The following ZNF420 variants were observed in gnomAD, a reference collection of about 807,000 sequenced individuals.
ZNF420 encodes the protein zinc finger protein 420.
A neutral mutation model predicts 44.7 loss-of-function variants in ZNF420; 31 were observed. The observed-to-expected ratio is 0.69, with a 90% confidence interval of 0.52 to 0.94. The LOEUF (loss-of-function observed/expected upper bound fraction) is 0.94. Among genes scored for constraint, ZNF420 ranks in the 40% least tolerant of loss-of-function variants. The pLI is 0.00. For synonymous variants in ZNF420, 245 were observed against 267.4 expected, an observed-to-expected ratio of 0.92 and a Z score of 0.82; for missense variants, 681 against 827.9, an observed-to-expected ratio of 0.82 and a Z score of 2.18.
intron 1 of ZNF420, among the ~76,000 whole-genome samples, chr19:37,020,216 CAAAAAAAAA>C (rs376616699): frequency 0.48 from 47,724 of 100,094 alleles, 7,870 homozygotes; most frequent in Non-Finnish European, 0.49. Context: ...GACTCCGTCT[CAAAAAAAAA>C]AAAAAAAAAA....
In ZNF420 at chr19:37,027,961, T is replaced by C. The variant is rs8105659; in HGVS notation, c.-125+19879T>C. 2.0e-3 allele frequency among the ~76,000 whole-genome samples: 310 copies of C among 152,316 alleles called. 3 individuals carry two copies. Among genetic ancestry groups the C allele is most frequent in the African/African-American group, 7.3e-3 (302 of 41,566 alleles). Reference sequence around the variant, plus strand: ...TGTAACAAAGAATGCAATTGCCAGATCATAGGGTAATCATATGTTTAGTTT... The same window carrying C: ...TGTAACAAAGAATGCAATTGCCAGACCATAGGGTAATCATATGTTTAGTTT... On this transcript the variant is annotated intron_variant, in intron 1 of 4. Coordinates refer to the ZNF420 transcript ENST00000587029.
rs1034768582 is a variant in ZNF420, at chr19:37,063,526, T to C, written c.-124-16819T>C. Among the ~76,000 whole-genome samples the C allele has an allele frequency of 7.2e-5, 11 of 152,206 alleles. No homozygotes were observed. The East Asian group carries it at 1.5e-3, about 21-fold the overall frequency. On this transcript the variant is annotated intron_variant, in intron 1 of 4. Transcript: ENST00000587029. ...TTTGTTTCTCGCTTCTGTAGTATGC[T>C]TCCCCCTGCATAGATCTCCCCCCTC... is the stretch of plus-strand genomic sequence containing the variant.
intron 1 of ZNF420, among the ~76,000 whole-genome samples, chr19:37,053,793 G>C (rs895144300): frequency 6.6e-6 from 1 of 152,196 alleles, no homozygotes; most frequent in Non-Finnish European, 1.5e-5. Flanking sequence ...TCCCAGTTAG[G>C]CTTCTCGGGG....
intron 4 of ZNF420, among the ~76,000 whole-genome samples, chr19:37,118,947 C>T (rs1460657549): frequency 5.9e-5 from 9 of 152,206 alleles, no homozygotes; most frequent in Non-Finnish European, 1.0e-4. Context: ...GCATCCGATA[C>T]AGGAGCACCC....
chr19:37,114,116 A>G (rs1970527323), intron 4 of ZNF420, among the ~76,000 whole-genome samples: 3 of 152,116 alleles, frequency 2.0e-5, no homozygotes, highest in African/African-American at 4.8e-5. Context: ...ATCGGTTCTA[A>G]TATTACTGGG....
At chr19:37,090,209 A>T (rs1408277635) in intron 3 of ZNF420, among the ~76,000 whole-genome samples, 1 of 152,232 alleles carries the variant, frequency 6.6e-6, no homozygotes, top group Non-Finnish European at 1.5e-5. Context: ...TGTATGCAGA[A>T]AATATGTGTA....
intron 4 of ZNF420, among the ~76,000 whole-genome samples, chr19:37,116,503 C>G (rs1367702239): frequency 6.6e-6 from 1 of 152,004 alleles, no homozygotes; most frequent in Non-Finnish European, 1.5e-5. Flanking sequence ...AGGAACAGCT[C>G]TGGTCTACAG....
At chr19:37,114,827 T>G (rs1970572140) in intron 4 of ZNF420, among the ~76,000 whole-genome samples, 1 of 152,224 alleles carries the variant, frequency 6.6e-6, no homozygotes. Context: ...CATTCCATAC[T>G]GTAAGTGGGA....
At chr19:37,023,908 T>A (rs774954729) in intron 1 of ZNF420, among the ~76,000 whole-genome samples, 1 of 152,078 alleles carries the variant, frequency 6.6e-6, no homozygotes, top group Non-Finnish European at 1.5e-5. Flanking sequence ...TACATATACA[T>A]ATATATGGGT....
chr19:37,020,733 G>A (rs1282218663), intron 1 of ZNF420, among the ~76,000 whole-genome samples: 1 of 152,172 alleles, frequency 6.6e-6, no homozygotes, highest in African/African-American at 2.4e-5. Context: ...AGGAAATTCT[G>A]ACATATGCTG....
intron 1 of ZNF420, among the ~76,000 whole-genome samples, chr19:37,071,942 C>T (rs1157410970): frequency 1.3e-5 from 2 of 152,038 alleles, no homozygotes; most frequent in Non-Finnish European, 2.9e-5. Flanking sequence ...TTGAAACATA[C>T]GAATTTAATT....
intron 4 of ZNF420, among the ~76,000 whole-genome samples, chr19:37,122,976 C>T (rs1448049254): frequency 1.3e-5 from 2 of 152,184 alleles, no homozygotes; most frequent in Non-Finnish European, 2.9e-5. Context: ...TTCACAATCC[C>T]TCCCAGGTCT....
intron 1 of ZNF420, among the ~76,000 whole-genome samples, chr19:37,026,609 G>A (rs189544279): frequency 4.0e-5 from 6 of 151,626 alleles, no homozygotes; most frequent in East Asian, 2.0e-4. Flanking sequence ...GTGAGCCACC[G>A]GGCCTGGTAG....
At chr19:37,027,497 T>C (rs542720645) in intron 1 of ZNF420, among the ~76,000 whole-genome samples, 1 of 152,226 alleles carries the variant, frequency 6.6e-6, no homozygotes, top group Non-Finnish European at 1.5e-5. Context: ...GACAAATGCA[T>C]GAGGACATAT....
chr19:37,090,086 G>A (rs1324384814), intron 3 of ZNF420, among the ~76,000 whole-genome samples: 1 of 152,130 alleles, frequency 6.6e-6, no homozygotes. Flanking sequence ...CATTTATTGA[G>A]AATGTATGAT....
chr19:37,060,571 A>G (rs940032672), intron 1 of ZNF420, among the ~76,000 whole-genome samples: 1 of 151,676 alleles, frequency 6.6e-6, no homozygotes, highest in Non-Finnish European at 1.5e-5. Context: ...AACTTCATGG[A>G]GATCCATGTT....
chr19:37,027,869 G>A (rs1017873916), intron 1 of ZNF420, among the ~76,000 whole-genome samples: 4 of 152,166 alleles, frequency 2.6e-5, no homozygotes, highest in African/African-American at 7.2e-5. Context: ...TGTTGGTTAT[G>A]TATAAGCTGC....
chr19:37,060,351 C>T (rs1296024496), intron 1 of ZNF420, among the ~76,000 whole-genome samples: 1 of 152,088 alleles, frequency 6.6e-6, no homozygotes, highest in African/African-American at 2.4e-5. Flanking sequence ...GGATCCCTGT[C>T]ACTGGAATGC....
intron 1 of ZNF420, among the ~76,000 whole-genome samples, chr19:37,042,309 T>C (rs963734436): frequency 6.6e-6 from 1 of 152,236 alleles, no homozygotes; most frequent in Admixed American, 6.5e-5. Context: ...CCAGGGCCAA[T>C]TTTCAGCATA....
Sources: allele counts gnomAD v4.1 joint callset (sites outside exome capture counted in the v4.1 genomes callset), GRCh38; gene constraint gnomAD v4.1.1; transcripts MANE v1.5; gene names NCBI Gene and HGNC (gene_info 2026-07-23, HGNC 2026-07-21).